The following FRMD4A variants were observed in gnomAD, a reference collection of about 807,000 sequenced individuals.
The protein encoded by FRMD4A is FERM domain-containing protein 4A.
In FRMD4A, 29 loss-of-function variants were observed where a neutral mutation model predicts 129.1. The observed-to-expected ratio is 0.22, with a 90% CI of 0.17 to 0.31. The LOEUF is 0.31. Ranked by LOEUF, FRMD4A falls within the 10% of genes least tolerant of loss-of-function variation. The probability of loss-of-function intolerance (pLI) is 1.00; values close to 1 mark genes in which losing one functional copy is unlikely to be tolerated. For missense variants in FRMD4A, 1,272 were observed against 1,375.8 expected, an observed-to-expected ratio of 0.92 and a Z score of 1.19; for synonymous variants, 634 against 571.6, an observed-to-expected ratio of 1.11 and a Z score of -1.56.
At chr10:13,905,434 G>A (rs368397621) in intron 2 of FRMD4A, among the ~76,000 whole-genome samples, 103 of 152,258 alleles carry the variant, frequency 6.8e-4, no homozygotes, top group African/African-American at 2.3e-3. Context: ...GTGAAATCAA[G>A]TTCTCAGTAG....
intron 2 of FRMD4A, among the ~76,000 whole-genome samples, chr10:13,951,109 G>A (rs1285301289): frequency 6.6e-6 from 1 of 152,196 alleles, no homozygotes; most frequent in Non-Finnish European, 1.5e-5. Context: ...GAGAAGCCAA[G>A]GGTGCTGGGT....
intron 2 of FRMD4A, among the ~76,000 whole-genome samples, chr10:14,265,442 T>C (rs1254304468): frequency 6.6e-6 from 1 of 152,236 alleles, no homozygotes; most frequent in Non-Finnish European, 1.5e-5. Context: ...GACACCTTTG[T>C]ATTTATGTGA....
chr10:13,954,074 G>A (rs2095392565), intron 2 of FRMD4A, among the ~76,000 whole-genome samples: 2 of 152,100 alleles, frequency 1.3e-5, no homozygotes, highest in Admixed American at 1.3e-4. Flanking sequence ...AGGACATCAG[G>A]GCAGAAACAG....
At chr10:14,186,836 T>C (rs377160314) in intron 2 of FRMD4A, among the ~76,000 whole-genome samples, 1 of 152,074 alleles carries the variant, frequency 6.6e-6, no homozygotes, top group Non-Finnish European at 1.5e-5. Flanking sequence ...AATACCCTTC[T>C]CTGACCAGTA....
chr10:14,054,000 C>T (rs1834386499), intron 2 of FRMD4A, among the ~76,000 whole-genome samples: 1 of 152,006 alleles, frequency 6.6e-6, no homozygotes, highest in Admixed American at 6.5e-5. Context: ...GAGTGAGACC[C>T]TGTCCCTACA....
chr10:13,659,442 T>G lies in FRMD4A; in HGVS notation c.1947A>C (p.Gly649=), dbSNP rs746379580. The change falls in exon 21 of 25, where the codon GGA becomes GGC. Residue 649 remains glycine (G), a synonymous_variant. Coordinates refer to ENST00000357447, the MANE Select transcript of FRMD4A (RefSeq NM_018027.5). The part of the protein sequence containing the change: ...PSTGSCAEAG[G]GSNSLQNSPI... ...GGCTGTTCTGCAAGGAGTTGCTTCC[T>G]CCGCCGGCTTCCGCACAGCTTCCTG... 1 of 1,613,834 alleles carries G rather than the reference T, an allele frequency of 6.2e-7. No homozygotes were observed. Among genetic ancestry groups the G allele is most frequent in the Non-Finnish European group, 8.5e-7 (1 of 1,179,986 alleles).
intron 4 of FRMD4A, among the ~76,000 whole-genome samples, chr10:13,798,966 G>A (rs941701450): frequency 1.3e-5 from 2 of 151,978 alleles, no homozygotes; most frequent in East Asian, 3.9e-4. Flanking sequence ...CCCCAGTGAG[G>A]TCCGGCCCAT....
chr10:14,063,646 A>T (rs891047651), intron 2 of FRMD4A, among the ~76,000 whole-genome samples: 12 of 152,062 alleles, frequency 7.9e-5, no homozygotes, highest in African/African-American at 2.9e-4. Context: ...GTTCAACTGG[A>T]TGTCGGGCAC....
chr10:14,296,553 C>A (rs1846015993), intron 2 of FRMD4A, among the ~76,000 whole-genome samples: 1 of 152,160 alleles, frequency 6.6e-6, no homozygotes, highest in Non-Finnish European at 1.5e-5. Flanking sequence ...TCAGATGATC[C>A]CACGCATACC....
At chr10:14,175,141 T>C (rs1444364682) in intron 2 of FRMD4A, among the ~76,000 whole-genome samples, 3 of 152,204 alleles carry the variant, frequency 2.0e-5, no homozygotes, top group African/African-American at 7.2e-5. Flanking sequence ...CTTCAACTGG[T>C]GACTCCTTAA....
At chr10:13,784,572 T>G (rs370529910) in intron 5 of FRMD4A, among the ~76,000 whole-genome samples, 7 of 152,300 alleles carry the variant, frequency 4.6e-5, no homozygotes, top group South Asian at 2.1e-4. Context: ...ACTTTTAGAT[T>G]CCACTGGGAA....
intron 24 of FRMD4A, chr10:13,649,679 A>G (rs1384635043): frequency 6.6e-6 from 1 of 152,190 alleles, no homozygotes; most frequent in Admixed American, 6.5e-5. Context: ...TGCTTCATGT[A>G]TTGGTCTTTT....
chr10:13,892,075 C>T (rs1334391647), intron 2 of FRMD4A, among the ~76,000 whole-genome samples: 2 of 151,054 alleles, frequency 1.3e-5, no homozygotes, highest in Non-Finnish European at 1.5e-5. Context: ...AGAGCTGGCT[C>T]GGCTTCCCAG....
intron 2 of FRMD4A, among the ~76,000 whole-genome samples, chr10:14,075,755 T>TAC (rs71388157): frequency 1 from 151,786 of 152,108 alleles, 75,733 homozygotes; most frequent in Middle Eastern, 1. Flanking sequence ...TTTATATTTA[T>TAC]ACACACACAT....
At chr10:13,895,583 G>T (rs1375430877) in intron 2 of FRMD4A, among the ~76,000 whole-genome samples, 2 of 152,280 alleles carry the variant, frequency 1.3e-5, no homozygotes, top group Non-Finnish European at 1.5e-5. Context: ...AGGAAGAAAA[G>T]CTGTATTCGA....
At chr10:13,690,488 A>G (rs139511996) in intron 15 of FRMD4A, among the ~76,000 whole-genome samples, 2 of 152,218 alleles carry the variant, frequency 1.3e-5, no homozygotes, top group African/African-American at 4.8e-5. Flanking sequence ...TCCTGTTTGC[A>G]GTGCGTCCCC....
At chr10:13,813,348 G>A (rs1050292559) in intron 3 of FRMD4A, among the ~76,000 whole-genome samples, 5 of 152,214 alleles carry the variant, frequency 3.3e-5, no homozygotes, top group African/African-American at 1.2e-4. Context: ...GGGAGGCTGA[G>A]GCAGAGCTCT....
At position 14,027,092 on chromosome 10, in the gene FRMD4A, C is replaced by T. The variant is rs148390082; in HGVS notation, c.46-168180G>A. On this transcript the variant is annotated intron_variant, in intron 2 of 24. Coordinates refer to ENST00000357447, the MANE Select transcript of FRMD4A (RefSeq NM_018027.5). ...TCCATCCCCTCAAGCATTTATCCTT[C>T]GAAAACCAAGTCCTCTTAGCCCCTT... Among the ~76,000 whole-genome samples the T allele has an allele frequency of 2.0e-3, 299 of 152,300 alleles. 1 individual carries two copies. The highest frequency in any genetic ancestry group is 6.9e-3 in the African/African-American group (286 of 41,558).
intron 12 of FRMD4A, among the ~76,000 whole-genome samples, chr10:13,713,247 C>G (rs975547112): frequency 6.6e-6 from 1 of 152,082 alleles, no homozygotes; most frequent in African/African-American, 2.4e-5. Context: ...TAAAGTAACC[C>G]CAGTAGAGAG....
Sources: allele counts gnomAD v4.1 joint callset (sites outside exome capture counted in the v4.1 genomes callset), GRCh38; gene constraint gnomAD v4.1.1; transcripts MANE v1.5; gene names NCBI Gene and HGNC (gene_info 2026-07-23, HGNC 2026-07-21).